PI4KA: variants seen among roughly 807,000 people sequenced by gnomAD.
The protein encoded by PI4KA is phosphatidylinositol 4-kinase alpha, also known as PI4-kinase alpha.
Under a neutral mutation model 271.4 loss-of-function variants are expected in PI4KA, and 122 were observed. That is an observed-to-expected ratio of 0.45 (90% CI 0.39 to 0.52). The LOEUF (loss-of-function observed/expected upper bound fraction) is 0.52, where lower values mean the gene tolerates loss of function less well. PI4KA is among the 20% of genes least tolerant of loss of function. The pLI is 0.00. For synonymous variants in PI4KA, 1,041 were observed against 1,078.8 expected (o/e 0.96, Z 0.69); for missense variants, 1,969 against 2,769.1 (o/e 0.71, Z 6.48).
intron 3 of PI4KA, among the ~76,000 whole-genome samples, chr22:20,828,697 G>A (rs1193710408): frequency 1.3e-5 from 2 of 152,044 alleles, no homozygotes; most frequent in East Asian, 1.9e-4. Context: ...TGGGACTACA[G>A]ATGCCTGCCA....
At chr22:20,763,859 G>C (rs1932250581) in intron 22 of PI4KA, among the ~76,000 whole-genome samples, 1 of 152,212 alleles carries the variant, frequency 6.6e-6, no homozygotes, top group Non-Finnish European at 1.5e-5. Flanking sequence ...CCCGGGCTGA[G>C]GGCAGGGAGG....
chr22:20,854,874 G>C (rs568601733), intron 1 of PI4KA, among the ~76,000 whole-genome samples: 2 of 152,172 alleles, frequency 1.3e-5, no homozygotes, highest in African/African-American at 4.8e-5. Context: ...AAACTTGGCC[G>C]GGCGTGGTGG....
chr22:20,846,835 CAAAAAA>C (rs361933), intron 1 of PI4KA, among the ~76,000 whole-genome samples: 5 of 61,748 alleles, frequency 8.1e-5, no homozygotes, highest in African/African-American at 3.6e-4. Context: ...AGTGCAGGCT[CAAAAAA>C]AAAAAAAAAA....
intron 23 of PI4KA, among the ~76,000 whole-genome samples, 157 bp downstream of exon 23, chr22:20,761,147 G>A (rs1034796791): frequency 6.6e-6 from 1 of 152,136 alleles, no homozygotes; most frequent in Non-Finnish European, 1.5e-5. Flanking sequence ...CCATTAAGGC[G>A]TATATTTGAA....
intron 29 of PI4KA, among the ~76,000 whole-genome samples, chr22:20,747,023 ATC>A (rs1433061403): frequency 2.6e-5 from 4 of 152,070 alleles, no homozygotes; most frequent in Non-Finnish European, 5.9e-5. Context: ...AACCAACAAA[ATC>A]TCTGACCAGC....
intron 26 of PI4KA, 63 bp from the exon 27 acceptor site, chr22:20,751,439 A>G: frequency 7.2e-7 from 1 of 1,387,182 alleles, no homozygotes; most frequent in Admixed American, 1.7e-5. Context: ...TAGCAACCAC[A>G]TGGGCCACCC....
In PI4KA at chr22:20,809,548, G is replaced by A. The variant is rs139335319; in HGVS notation, c.1071+1419C>T. ...GTTCAATGAGAAGGAGGGTCCCAGA[G>A]GTGGAGTGCAGGCCCACTAAGTCTC... On this transcript the variant is annotated intron_variant, in intron 9 of 54. Transcript: ENST00000255882. 5.9e-5 allele frequency among the ~76,000 whole-genome samples: 9 copies of A among 152,154 alleles called. No individual in the cohort carries two copies. In the East Asian group the frequency reaches 1.7e-3, roughly 29 times the overall value.
chr22:20,819,694 A>T lies in PI4KA; in HGVS notation c.736T>A (p.Cys246Ser), dbSNP rs972586979. Residue 246 changes from cysteine (C) to serine (S), a missense_variant, in exon 6 of 55, where the codon TGT (cysteine) becomes AGT (serine). Cys to Ser is a moderately radical substitution (Grantham distance 112). Around this residue, in one of 13 missense-constraint regions of PI4KA, gnomAD observed 540 missense variants for 555.5 expected, o/e 0.97. Coordinates refer to ENST00000255882, the MANE Select transcript of PI4KA (RefSeq NM_058004.4). ...TTCCTCTTCAGGGTACCCTCCTGAC[A>T]GACAGTCAGCAGATTGCTGGGGAGG... ...SILPSNLLTVCQEGTLKRKTS... is the reference protein window; with the variant it reads ...SILPSNLLTVSQEGTLKRKTS... 6.2e-7 allele frequency: 1 copy of T among 1,613,912 alleles called. No homozygotes were observed. The highest frequency in any genetic ancestry group is 8.5e-7 in the Non-Finnish European group (1 of 1,179,834).
At chr22:20,806,742 T>C (rs1199138485) in intron 10 of PI4KA, among the ~76,000 whole-genome samples, 1 of 152,044 alleles carries the variant, frequency 6.6e-6, no homozygotes, top group Non-Finnish European at 1.5e-5. Flanking sequence ...TTTTTTTTAA[T>C]GTTTTTGAGA....
chr22:20,752,266 T>C (rs1930786043), intron 25 of PI4KA, among the ~76,000 whole-genome samples: 1 of 152,194 alleles, frequency 6.6e-6, no homozygotes, highest in Non-Finnish European at 1.5e-5. Context: ...GGACTCGTTC[T>C]CGTGACCCCT....
intron 1 of PI4KA, among the ~76,000 whole-genome samples, chr22:20,855,262 TTATA>T (rs915981232): frequency 1.3e-5 from 2 of 151,618 alleles, no homozygotes; most frequent in Non-Finnish European, 2.9e-5. Flanking sequence ...ACTACATATT[TTATA>T]TATATATATT....
chr22:20,785,980 GC>G, intron 19 of PI4KA: 5 of 1,614,076 alleles, frequency 3.1e-6, no homozygotes, highest in Non-Finnish European at 4.2e-6. Context: ...ATAAAACTGG[GC>G]CCCCCTTTCC....
chr22:20,796,748 G>A (rs565150253), intron 17 of PI4KA, among the ~76,000 whole-genome samples: 25 of 152,338 alleles, frequency 1.6e-4, no homozygotes, highest in East Asian at 1.2e-3. Context: ...TTCACCTCAT[G>A]ACCAGCTTCT....
chr22:20,853,899 AC>A (rs1569105047), intron 1 of PI4KA, among the ~76,000 whole-genome samples: 1 of 149,986 alleles, frequency 6.7e-6, no homozygotes, highest in Non-Finnish European at 1.5e-5. Context: ...AGATGGTGAG[AC>A]CCCCATCTCT....
At chr22:20,800,782 G>A (rs1411925833) in intron 14 of PI4KA, among the ~76,000 whole-genome samples, 7 of 150,268 alleles carry the variant, frequency 4.7e-5, no homozygotes, top group African/African-American at 1.7e-4. Flanking sequence ...GCTGAGGCAG[G>A]AGAATGGCGT....
At chr22:20,812,519 A>G (rs1400597978) in intron 8 of PI4KA, among the ~76,000 whole-genome samples, 1 of 151,938 alleles carries the variant, frequency 6.6e-6, no homozygotes, top group Non-Finnish European at 1.5e-5. Context: ...GAACCATCCT[A>G]GCTTGATTGT....
At chr22:20,803,388 GA>G in intron 12 of PI4KA, 68 bp from the exon 13 acceptor site, 2 of 1,592,894 alleles carry the variant, frequency 1.3e-6, no homozygotes, top group Non-Finnish European at 1.7e-6. Context: ...CCTGAGCAGG[GA>G]GGTGCTCAAC....
chr22:20,805,614 T>G (rs1015190576), intron 10 of PI4KA, among the ~76,000 whole-genome samples: 1 of 151,860 alleles, frequency 6.6e-6, no homozygotes, highest in Non-Finnish European at 1.5e-5. Context: ...GGGCAGATCA[T>G]GAGGTCAGGA....
intron 1 of PI4KA, among the ~76,000 whole-genome samples, chr22:20,854,050 C>T (rs958614470): frequency 6.6e-6 from 1 of 151,480 alleles, no homozygotes; most frequent in African/African-American, 2.4e-5. Context: ...ATCAAATTAA[C>T]ACTGCTTCTG....
Sources: gnomAD v4.1 joint callset for allele counts (sites outside exome capture counted in the v4.1 genomes callset) on GRCh38, gnomAD v4.1.1 for gene constraint, gnomAD v4.1.1 regional missense constraint, MANE v1.5 for transcripts, NCBI Gene and HGNC (gene_info 2026-07-23, HGNC 2026-07-21) for gene names.